PRKG1: variants seen among roughly 807,000 people sequenced by gnomAD.
PRKG1 encodes protein kinase cGMP-dependent 1.
A neutral mutation model predicts 88.1 loss-of-function variants in PRKG1; 35 were observed. That is an observed-to-expected ratio of 0.40 (90% CI 0.30 to 0.53). The LOEUF (loss-of-function observed/expected upper bound fraction) is 0.53, where lower values mean the gene tolerates loss of function less well. Ranked by LOEUF, PRKG1 falls within the 20% of genes least tolerant of loss-of-function variation. The pLI, the probability that PRKG1 is intolerant of heterozygous loss-of-function variation, is 0.59. For missense variants in PRKG1, 540 were observed against 839.8 expected, an observed-to-expected ratio of 0.64 and a Z score of 4.41; for synonymous variants, 303 against 292.5, an observed-to-expected ratio of 1.04 and a Z score of -0.37.
intron 7 of PRKG1, among the ~76,000 whole-genome samples, chr10:52,089,408 A>C (rs1369218707): frequency 6.6e-6 from 1 of 152,180 alleles, no homozygotes; most frequent in Non-Finnish European, 1.5e-5. Flanking sequence ...TTCTCCTCTA[A>C]GTTAGTAGAC....
chr10:52,275,025 A>C (rs892553203), intron 12 of PRKG1, among the ~76,000 whole-genome samples: 3 of 151,592 alleles, frequency 2.0e-5, no homozygotes, highest in Admixed American at 6.6e-5. Context: ...TTTTCATTGG[A>C]TTATTTGTTT....
chr10:51,556,434 C>G (rs747190738), intron 3 of PRKG1, among the ~76,000 whole-genome samples: 12 of 150,758 alleles, frequency 8.0e-5, no homozygotes, highest in Non-Finnish European at 1.3e-4. Context: ...TTTTTACACT[C>G]AAAGTATTCC....
chr10:51,169,412 C>T lies in PRKG1; in HGVS notation c.478+16082C>T, dbSNP rs561020668. Reference sequence around the variant, plus strand: ...CAAAGAGCTTTTTCATTTGCTAGTACCTTTGCTTGTTTTTGATATTTCAGC... The same window carrying T: ...CAAAGAGCTTTTTCATTTGCTAGTATCTTTGCTTGTTTTTGATATTTCAGC... On this transcript the variant is annotated intron_variant, in intron 2 of 17. Coordinates refer to ENST00000373980, the MANE Select transcript of PRKG1 (RefSeq NM_006258.4). Among the ~76,000 whole-genome samples the T allele has an allele frequency of 1.6e-4, 24 of 152,142 alleles. No individual in the cohort carries two copies. The South Asian group carries it at 3.7e-3, about 24-fold the overall frequency.
intron 1 of PRKG1, among the ~76,000 whole-genome samples, chr10:51,032,398 CTTTAA>C (rs1843294997): frequency 6.6e-6 from 1 of 151,542 alleles, no homozygotes; most frequent in Non-Finnish European, 1.5e-5. Flanking sequence ...AACTTCTGAA[CTTTAA>C]TTTAATAGAT....
At chr10:51,681,113 C>G (rs1840839464) in intron 3 of PRKG1, among the ~76,000 whole-genome samples, 1 of 152,106 alleles carries the variant, frequency 6.6e-6, no homozygotes, top group South Asian at 2.1e-4. Flanking sequence ...GTTATCTAGT[C>G]ATAAGATAAC....
intron 2 of PRKG1, among the ~76,000 whole-genome samples, chr10:51,297,622 T>A (rs917572924): frequency 5.3e-5 from 8 of 152,054 alleles, no homozygotes; most frequent in Non-Finnish European, 1.2e-4. Flanking sequence ...AGGTGACTCA[T>A]GTGCATTTCT....
intron 3 of PRKG1, among the ~76,000 whole-genome samples, chr10:51,533,953 G>A (rs369766539): frequency 1.6e-4 from 24 of 152,294 alleles, no homozygotes; most frequent in African/African-American, 5.5e-4. Context: ...GATGGGAAAT[G>A]ATTTGTCCAA....
intron 3 of PRKG1, among the ~76,000 whole-genome samples, chr10:51,506,693 C>T (rs10997842): frequency 0.24 from 36,615 of 151,954 alleles, 4,812 homozygotes; most frequent in Admixed American, 0.32. Context: ...GACACTTTTA[C>T]ACTGTTGGTG....
intron 7 of PRKG1, among the ~76,000 whole-genome samples, chr10:52,132,294 T>A (rs548370694): frequency 1.3e-5 from 2 of 152,260 alleles, no homozygotes; most frequent in East Asian, 3.9e-4. Context: ...AAGATTATTT[T>A]AAAGTCTATA....
chr10:51,979,469 G>T (rs965846816), intron 5 of PRKG1, among the ~76,000 whole-genome samples: 1 of 130,346 alleles, frequency 7.7e-6, no homozygotes, highest in Non-Finnish European at 1.6e-5. Flanking sequence ...GTATCAGGAT[G>T]ACGCTGGCCT....
chr10:52,001,771 T>C (rs1050495561), intron 5 of PRKG1, among the ~76,000 whole-genome samples: 1 of 152,064 alleles, frequency 6.6e-6, no homozygotes, highest in Non-Finnish European at 1.5e-5. Context: ...CAACCACCCA[T>C]ATTTACTTGG....
intron 3 of PRKG1, among the ~76,000 whole-genome samples, chr10:51,732,010 C>T (rs945174461): frequency 7.4e-6 from 1 of 135,904 alleles, no homozygotes; most frequent in African/African-American, 2.8e-5. Context: ...CCTCCGCCCC[C>T]GTCCCTCCCT....
chr10:52,169,629 T>A (rs1013327241), intron 9 of PRKG1, among the ~76,000 whole-genome samples: 1 of 152,210 alleles, frequency 6.6e-6, no homozygotes, highest in Non-Finnish European at 1.5e-5. Context: ...AGAATTCTAG[T>A]ATGTTACTTA....
chr10:51,531,451 G>A (rs1227122585), intron 3 of PRKG1, among the ~76,000 whole-genome samples: 1 of 151,984 alleles, frequency 6.6e-6, no homozygotes, highest in Admixed American at 6.6e-5. Context: ...GTTTCACTCT[G>A]CAGAAATAAG....
intron 3 of PRKG1, among the ~76,000 whole-genome samples, chr10:51,518,839 G>A (rs1489906158): frequency 1.3e-5 from 2 of 152,258 alleles, no homozygotes; most frequent in South Asian, 2.1e-4. Flanking sequence ...GGTCAAGAAT[G>A]ACTGGTTGCC....
At chr10:52,071,816 A>G (rs923072192) in intron 7 of PRKG1, among the ~76,000 whole-genome samples, 1 of 152,214 alleles carries the variant, frequency 6.6e-6, no homozygotes, top group Non-Finnish European at 1.5e-5. Flanking sequence ...TTGCCTCTGC[A>G]AAGATACGTT....
intron 2 of PRKG1, among the ~76,000 whole-genome samples, chr10:51,241,600 T>C (rs895541537): frequency 8.5e-5 from 13 of 152,156 alleles, no homozygotes; most frequent in African/African-American, 2.7e-4. Flanking sequence ...CTTTACAGAT[T>C]AGGCCTGCAA....
At chr10:51,669,334 C>A (rs981116762) in intron 3 of PRKG1, among the ~76,000 whole-genome samples, 2 of 152,118 alleles carry the variant, frequency 1.3e-5, no homozygotes, top group Non-Finnish European at 2.9e-5. Context: ...ATGTCTCTTT[C>A]TTCTTATAAG....
intron 3 of PRKG1, among the ~76,000 whole-genome samples, chr10:51,505,853 TTC>T (rs368963930): frequency 0.018 from 2,698 of 152,268 alleles, 59 homozygotes; most frequent in African/African-American, 0.046. Context: ...TATTTGATTC[TTC>T]TCTCTTTTCT....
Sources: allele counts gnomAD v4.1 joint callset (sites outside exome capture counted in the v4.1 genomes callset), GRCh38; gene constraint gnomAD v4.1.1; transcripts MANE v1.5; gene names NCBI Gene and HGNC (gene_info 2026-07-23, HGNC 2026-07-21).